Variants in ADARB2 observed in about 807,000 individuals in gnomAD.
The protein encoded by ADARB2 is inactive double-stranded RNA-specific editase B2.
A neutral mutation model predicts 62.2 loss-of-function variants in ADARB2; 25 were observed. The ratio of observed to expected loss-of-function variants is 0.40; its 90% CI spans 0.29 to 0.56. The LOEUF is 0.56. Among genes scored for constraint, ADARB2 ranks in the 20% least tolerant of loss-of-function variants. The pLI is 0.43. For missense variants in ADARB2, 1,071 were observed against 1,077.4 expected, an observed-to-expected ratio of 0.99 and a Z score of 0.08; for synonymous variants, 572 against 500.8, an observed-to-expected ratio of 1.14 and a Z score of -1.90.
At chr10:1,274,411 C>G (rs75683761) in intron 3 of ADARB2, among the ~76,000 whole-genome samples, 554 of 152,342 alleles carry the variant, frequency 3.6e-3, no homozygotes, top group Non-Finnish European at 5.9e-3. Flanking sequence ...GCATCTGATT[C>G]CAGCACACGC....
At chr10:1,588,585 C>T (rs945185223) in intron 1 of ADARB2, among the ~76,000 whole-genome samples, 5 of 152,224 alleles carry the variant, frequency 3.3e-5, no homozygotes, top group Admixed American at 6.5e-5. Context: ...GCTGGAACAT[C>T]GCCTGGATGA....
At chr10:1,192,857 GGC>G (rs1836861196) in intron 8 of ADARB2, among the ~76,000 whole-genome samples, 1 of 152,210 alleles carries the variant, frequency 6.6e-6, no homozygotes, top group Non-Finnish European at 1.5e-5. Flanking sequence ...GCAGGAGAAT[GGC>G]GTGAACCCGG....
At chr10:1,212,155 C>T (rs925887953) in intron 7 of ADARB2, among the ~76,000 whole-genome samples, 4 of 152,174 alleles carry the variant, frequency 2.6e-5, no homozygotes, top group South Asian at 2.1e-4. Flanking sequence ...ATATTTCATC[C>T]GTATTTGTGT....
chr10:1,510,098 T>TCTTTTTC lies in ADARB2; in HGVS notation c.101-130939_101-130938insGAAAAAG, dbSNP rs1278546139. The stretch of plus-strand genomic sequence containing the variant: ...CTTTCTCTTTCTCTCTCTCTCTCTT[T>TCTTTTTC]TCTTTCTTTCTCTCTTTCTTTCTTT... On this transcript the variant is annotated intron_variant, in intron 1 of 9. Coordinates refer to ENST00000381312, the MANE Select transcript of ADARB2 (RefSeq NM_018702.4). Among the ~76,000 whole-genome samples, 6 of 121,340 alleles carry TCTTTTTC rather than the reference T, an allele frequency of 4.9e-5. No individual in the cohort carries two copies. In the East Asian group the frequency reaches 1.3e-3, roughly 27 times the overall value. 79.6% of individuals were successfully genotyped at this position (121,340 alleles called of 152,430 possible). A position where few individuals can be genotyped will look rare whatever the true frequency, so the allele number is the denominator to read the frequency against.
chr10:1,245,549 C>T (rs1830977884), intron 4 of ADARB2, among the ~76,000 whole-genome samples: 1 of 145,844 alleles, frequency 6.9e-6, no homozygotes, highest in Non-Finnish European at 1.5e-5. Flanking sequence ...CATGTGTTCT[C>T]ATTCTTCAAT....
At chr10:1,687,481 CAT>C (rs1413279471) in intron 1 of ADARB2, among the ~76,000 whole-genome samples, 1 of 152,000 alleles carries the variant, frequency 6.6e-6, no homozygotes, top group African/African-American at 2.4e-5. Context: ...TCAAAGCTAA[CAT>C]AATAATAAAG....
intron 1 of ADARB2, among the ~76,000 whole-genome samples, chr10:1,442,280 T>A (rs1257870383): frequency 2.0e-5 from 3 of 152,250 alleles, no homozygotes; most frequent in African/African-American, 7.2e-5. Flanking sequence ...GGTTTCCTAA[T>A]GTCTTTGTCA....
chr10:1,459,141 C>T (rs975419959), intron 1 of ADARB2, among the ~76,000 whole-genome samples: 1 of 152,144 alleles, frequency 6.6e-6, no homozygotes, highest in African/African-American at 2.4e-5. Flanking sequence ...GGTAATTCCT[C>T]AAAGAACCAT....
intron 1 of ADARB2, among the ~76,000 whole-genome samples, chr10:1,694,825 T>C (rs1391958630): frequency 6.6e-6 from 1 of 152,048 alleles, no homozygotes; most frequent in Non-Finnish European, 1.5e-5. Context: ...TGAGCAGATG[T>C]CTGGGAGTGG....
rs577536426 is a variant in ADARB2, at chr10:1,555,827, C to T, written c.101-176667G>A. ...GCGTGCGCCTGTAACCCCAGCTACTCGGCAGGCTGAGGCAAGAGAATTGCT... is the reference window on the plus strand; with the variant it reads ...GCGTGCGCCTGTAACCCCAGCTACTTGGCAGGCTGAGGCAAGAGAATTGCT... On this transcript the variant is annotated intron_variant, in intron 1 of 9. Coordinates refer to ENST00000381312, the MANE Select transcript of ADARB2 (RefSeq NM_018702.4). 5.5e-4 allele frequency among the ~76,000 whole-genome samples: 83 copies of T among 152,190 alleles called. 2 individuals carry two copies. Among genetic ancestry groups the T allele is most frequent in the South Asian group, 2.9e-3 (14 of 4,818 alleles).
intron 3 of ADARB2, among the ~76,000 whole-genome samples, chr10:1,288,846 CG>C (rs1831437658): frequency 6.6e-6 from 1 of 152,192 alleles, no homozygotes; most frequent in South Asian, 2.1e-4. Context: ...ACATGTGACG[CG>C]GTTGTCTAAA....
At chr10:1,609,926 T>C (rs1050669455) in intron 1 of ADARB2, among the ~76,000 whole-genome samples, 1 of 152,194 alleles carries the variant, frequency 6.6e-6, no homozygotes, top group Non-Finnish European at 1.5e-5. Context: ...CCCTCTTCAT[T>C]AGGATTGCAG....
At chr10:1,183,927 C>T (rs1259966659) in intron 9 of ADARB2, among the ~76,000 whole-genome samples, 8 of 152,164 alleles carry the variant, frequency 5.3e-5, no homozygotes, top group South Asian at 2.1e-4. Flanking sequence ...AGGCACTCAC[C>T]GGGGGGTCAC....
intron 3 of ADARB2, among the ~76,000 whole-genome samples, chr10:1,285,119 CA>C (rs1439840828): frequency 2.0e-5 from 3 of 150,404 alleles, no homozygotes; most frequent in Admixed American, 1.3e-4. Context: ...AAGTCATCTG[CA>C]GCATAAATTC....
intron 1 of ADARB2, among the ~76,000 whole-genome samples, chr10:1,536,608 T>C (rs1268383435): frequency 1.3e-5 from 2 of 152,330 alleles, no homozygotes; most frequent in Admixed American, 6.5e-5. Context: ...AGAATCTAGC[T>C]TATATGTTTA....
chr10:1,329,004 A>AG (rs1831903372), intron 3 of ADARB2, among the ~76,000 whole-genome samples: 1 of 150,722 alleles, frequency 6.6e-6, no homozygotes, highest in Non-Finnish European at 1.5e-5. Context: ...CTTAAAAAAA[A>AG]AAAAAAAAAA....
chr10:1,411,037 G>A (rs778927839), intron 1 of ADARB2, among the ~76,000 whole-genome samples: 10 of 152,260 alleles, frequency 6.6e-5, no homozygotes, highest in South Asian at 4.1e-4. Context: ...TGGTGTCTGC[G>A]CTCCTCCCTC....
In ADARB2 at chr10:1,183,228, GT is replaced by G; in HGVS notation, c.2184del (p.Lys728AsnfsTer10). 1 of 1,613,794 alleles carries G rather than the reference GT, an allele frequency of 6.2e-7. No individual in the cohort carries two copies. The highest frequency in any genetic ancestry group is 8.5e-7 in the Non-Finnish European group (1 of 1,180,018). ...AGTAGAAACTGCTGCTGCTCCGGTG[GT>G]TTCCTCACCCAGGTGCCCAGGCCAG... ...QKAGLGTWVRKPPEQQQFLLT... is the reference protein window; with the variant it reads ...QKAGLGTWVRXPPEQQQFLLT... On this transcript the variant is annotated frameshift_variant, in exon 10 of 10. Coordinates refer to ENST00000381312, the MANE Select transcript of ADARB2 (RefSeq NM_018702.4). LOFTEE classifies it high-confidence loss of function.
At chr10:1,187,443 A>G (rs1418964215) in intron 8 of ADARB2, among the ~76,000 whole-genome samples, 1 of 152,126 alleles carries the variant, frequency 6.6e-6, no homozygotes, top group Non-Finnish European at 1.5e-5. Context: ...TCTGGTCTCC[A>G]TGACCATCAG....
Sources: allele counts gnomAD v4.1 joint callset (sites outside exome capture counted in the v4.1 genomes callset), GRCh38; gene constraint gnomAD v4.1.1; transcripts MANE v1.5; gene names NCBI Gene and HGNC (gene_info 2026-07-23, HGNC 2026-07-21).